PITPNM3: variants seen among roughly 807,000 people sequenced by gnomAD.
PITPNM3 encodes membrane-associated phosphatidylinositol transfer protein 3.
A neutral mutation model predicts 102.0 loss-of-function variants in PITPNM3; 26 were observed. The ratio of observed to expected loss-of-function variants is 0.25; its 90% CI spans 0.19 to 0.35. The LOEUF is 0.35. Ranked by LOEUF, PITPNM3 falls within the 10% of genes least tolerant of loss-of-function variation. The pLI, the probability that PITPNM3 is intolerant of heterozygous loss-of-function variation, is 1.00. For synonymous variants in PITPNM3, 578 were observed against 558.6 expected (o/e 1.03, Z -0.49); for missense variants, 1,083 against 1,346.1 (o/e 0.80, Z 3.06).
intron 4 of PITPNM3, among the ~76,000 whole-genome samples, chr17:6,491,093 A>G (rs1233964103): frequency 9.9e-5 from 3 of 30,186 alleles, no homozygotes; most frequent in Non-Finnish European, 1.8e-4. Context: ...AGGGGAAGGG[A>G]AGGGAGGGGA....
chr17:6,478,016 G>C lies in PITPNM3; in HGVS notation c.859C>G (p.Pro287Ala), dbSNP rs2150731901. Reference sequence around the variant, plus strand: ...CTCCCCTTCCGGCTGCTGCTGGCAGGGCTGTCCCCTGAGGGCCCCGCACTG... The same window carrying C: ...CTCCCCTTCCGGCTGCTGCTGGCAGCGCTGTCCCCTGAGGGCCCCGCACTG... ...CYSAGPSGDS[P>A]ASSSRKGSIS... The change falls in exon 8 of 20, where the codon CCT (proline) becomes GCT (alanine). Residue 287 changes from proline to alanine, a missense_variant. Physicochemically the swap from Pro to Ala is conservative, Grantham distance 27. This residue lies in a region of PITPNM3 where 172 missense variants were observed against 175.6 expected (regional missense o/e 0.98). Coordinates refer to ENST00000262483, the MANE Select transcript of PITPNM3 (RefSeq NM_031220.4). The surrounding 1 kb of genome is among the most constrained non-coding windows in gnomAD (Gnocchi z 4.4). The C allele has an allele frequency of 1.9e-6, 3 of 1,613,546 alleles. No individual in the cohort carries two copies. The highest frequency in any genetic ancestry group is 3.3e-4 in the Middle Eastern group (2 of 6,052).
At chr17:6,464,601 G>A in intron 15 of PITPNM3, 54 bp downstream of exon 15, 3 of 1,523,228 alleles carry the variant, frequency 2.0e-6, no homozygotes, top group Non-Finnish European at 2.7e-6. Flanking sequence ...GTGGCTCCAT[G>A]AGGCACCTGG....
chr17:6,541,635 G>T (rs1321440365), intron 1 of PITPNM3, among the ~76,000 whole-genome samples: 2 of 152,134 alleles, frequency 1.3e-5, no homozygotes, highest in Non-Finnish European at 2.9e-5. Flanking sequence ...AAGAGTGTCA[G>T]AAAGTCTCCT....
chr17:6,459,188 T>C lies in PITPNM3; in HGVS notation c.2491-1466A>G, dbSNP rs913953677. On this transcript the variant is annotated intron_variant, in intron 18 of 19. Transcript: ENST00000262483. The surrounding 1 kb of genome is among the most constrained non-coding windows in gnomAD (Gnocchi z 5.0). ...AGCTGACACCCACTTTCTCTGCTCC[T>C]CTCCCTGCTACTTTTGCCCCCTTGT... 6.6e-6 allele frequency among the ~76,000 whole-genome samples: 1 copy of C among 152,160 alleles called. No homozygotes were observed. Among genetic ancestry groups the C allele is most frequent in the African/African-American group, 2.4e-5 (1 of 41,422 alleles).
chr17:6,540,819 C>T (rs953259120), intron 1 of PITPNM3, among the ~76,000 whole-genome samples: 1 of 152,082 alleles, frequency 6.6e-6, no homozygotes, highest in African/African-American at 2.4e-5. Context: ...CCACCATGCC[C>T]GGCTAATTTT....
rs1440682694 is a variant in PITPNM3, at chr17:6,455,044, G to A, written c.*294C>T. On this transcript the variant is annotated 3_prime_UTR_variant, in exon 20 of 20. Coordinates refer to ENST00000262483, the MANE Select transcript of PITPNM3 (RefSeq NM_031220.4). ...GACTTTGCCCAAACGCTTCAGCCCC[G>A]GGCAAGCCTGCCCCCAGGATGACAC... 4 of 455,296 alleles carry A rather than the reference G, an allele frequency of 8.8e-6. No homozygotes were observed. The highest frequency in any genetic ancestry group is 1.2e-5 in the Non-Finnish European group (3 of 258,786). 28.2% of individuals were successfully genotyped at this position (455,296 alleles called of 1,614,324 possible).
At chr17:6,462,797 A>G (rs1310413745) in intron 17 of PITPNM3, among the ~76,000 whole-genome samples, 1 of 152,088 alleles carries the variant, frequency 6.6e-6, no homozygotes, top group Non-Finnish European at 1.5e-5. Context: ...ACCCCTAGGG[A>G]TTCTGGTTAG....
At chr17:6,511,033 G>T (rs893524674) in intron 3 of PITPNM3, among the ~76,000 whole-genome samples, 1 of 152,178 alleles carries the variant, frequency 6.6e-6, no homozygotes, top group African/African-American at 2.4e-5. Flanking sequence ...GATAACCTTG[G>T]TATTACTGGG....
chr17:6,551,741 T>A lies in PITPNM3; in HGVS notation c.22+4644A>T, dbSNP rs1201951019. 5.3e-5 allele frequency among the ~76,000 whole-genome samples: 8 copies of A among 152,284 alleles called. No individual in the cohort carries two copies. In the East Asian group the frequency reaches 1.3e-3, roughly 26 times the overall value. On this transcript the variant is annotated intron_variant, in intron 1 of 19. Transcript: ENST00000262483. ...AAAAAAAAGTATTAAAAAAATTTTT[T>A]TTTTTTTAATCTGCGCTAGTCCCCT...
chr17:6,484,857 G>A (rs563434876), intron 4 of PITPNM3, among the ~76,000 whole-genome samples: 1 of 152,322 alleles, frequency 6.6e-6, no homozygotes, highest in East Asian at 1.9e-4. Flanking sequence ...CGTGCAGTCC[G>A]TGAGGGTCTG....
intron 4 of PITPNM3, among the ~76,000 whole-genome samples, chr17:6,487,934 C>T (rs1906196693): frequency 1.3e-5 from 2 of 152,296 alleles, no homozygotes; most frequent in African/African-American, 2.4e-5. Context: ...TCACCTCCTA[C>T]GCTGTTTGGG....
Position 6,492,396 on chromosome 17 carries a change from C to T in PITPNM3, c.275-8104G>A, listed in dbSNP as rs577595091. On this transcript the variant is annotated intron_variant, in intron 4 of 19. Transcript: ENST00000262483. The stretch of plus-strand genomic sequence containing the variant: ...AACATTTTAAAACCAGCCACAACCT[C>T]CTATTTTAGTCAATACAAACACTAC... Among the ~76,000 whole-genome samples the T allele has an allele frequency of 5.5e-4, 84 of 152,246 alleles. 1 individual carries two copies. Among genetic ancestry groups the T allele is most frequent in the African/African-American group, 2.0e-3 (84 of 41,530 alleles).
chr17:6,551,885 C>A (rs1429073021), intron 1 of PITPNM3, among the ~76,000 whole-genome samples: 1 of 152,034 alleles, frequency 6.6e-6, no homozygotes, highest in African/African-American at 2.4e-5. Context: ...AGAGCACACG[C>A]CCCACTCCAG....
At chr17:6,491,903 C>A (rs1454933709) in intron 4 of PITPNM3, among the ~76,000 whole-genome samples, 1 of 125,356 alleles carries the variant, frequency 8.0e-6, no homozygotes, top group Admixed American at 8.4e-5. Context: ...GGGCTAGGCG[C>A]CATGGCTCAC....
intron 10 of PITPNM3, 110 bp downstream of exon 10, chr17:6,474,322 G>T: frequency 7.1e-7 from 1 of 1,411,584 alleles, no homozygotes. Context: ...TCCCAACTCT[G>T]TGACCCTCCC....
In PITPNM3 at chr17:6,451,782, GT is replaced by G. The variant is rs61555153; in HGVS notation, c.*3555del. Reference sequence around the variant, plus strand: ...AACCCTAACTATGATTTTTACGAAGGTTTCCCCCAAGCCCGGAAGGAAAGGA... The same window carrying G: ...AACCCTAACTATGATTTTTACGAAGGTTCCCCCAAGCCCGGAAGGAAAGGA... On this transcript the variant is annotated 3_prime_UTR_variant, in exon 20 of 20. Coordinates refer to ENST00000262483, the MANE Select transcript of PITPNM3 (RefSeq NM_031220.4). 0.9 allele frequency: 135,785 copies of G among 151,646 alleles called. 60,972 individuals are homozygous for G. The highest frequency in any genetic ancestry group is 0.95 in the African/African-American group (39,162 of 41,290). 9.4% of individuals were successfully genotyped at this position (151,646 alleles called of 1,614,324 possible).
intron 1 of PITPNM3, among the ~76,000 whole-genome samples, chr17:6,553,287 C>T (rs1475792733): frequency 2.6e-5 from 4 of 152,174 alleles, no homozygotes; most frequent in Non-Finnish European, 5.9e-5. Flanking sequence ...TAAATGATGC[C>T]TTTCTGTGTA....
chr17:6,507,169 G>A (rs113216253), intron 3 of PITPNM3, among the ~76,000 whole-genome samples: 153 of 152,342 alleles, frequency 1.0e-3, no homozygotes, highest in African/African-American at 3.0e-3. Context: ...GAAGCCAGAG[G>A]GCAGGAGAGC....
Position 6,556,322 on chromosome 17 carries a change from T to C in PITPNM3, c.22+63A>G. On this transcript the variant is annotated intron_variant, in intron 1 of 19. Coordinates refer to ENST00000262483, the MANE Select transcript of PITPNM3 (RefSeq NM_031220.4). This position sits in a 1 kb window ranked among gnomAD's most constrained non-coding sequence, Gnocchi z 5.2. ...GGGGTTCACCTGGGCCGGCGGCCCC[T>C]CCTCTAGACGCGCGAGTCCCTCCCC... The C allele has an allele frequency of 1.5e-6, 2 of 1,349,688 alleles. No individual in the cohort carries two copies. The highest frequency in any genetic ancestry group is 6.4e-5 in the East Asian group (2 of 31,160). 83.6% of individuals were successfully genotyped at this position (1,349,688 alleles called of 1,614,324 possible).
Sources: gnomAD v4.1 joint callset for allele counts (sites outside exome capture counted in the v4.1 genomes callset) on GRCh38, gnomAD v4.1.1 for gene constraint, gnomAD v4.1.1 regional missense constraint, Gnocchi (gnomAD v3.1) non-coding constraint, MANE v1.5 for transcripts, NCBI Gene and HGNC (gene_info 2026-07-23, HGNC 2026-07-21) for gene names.